The following KCNU1 variants were observed in gnomAD, a reference collection of about 807,000 sequenced individuals.
KCNU1 encodes potassium channel subfamily U member 1.
In KCNU1, 93 loss-of-function variants were observed where a neutral mutation model predicts 126.8. The observed-to-expected ratio is 0.73, with a 90% CI of 0.62 to 0.87. KCNU1 has a LOEUF of 0.87. Among genes scored for constraint, KCNU1 ranks in the 40% least tolerant of loss-of-function variants. The probability of loss-of-function intolerance (pLI) is 0.00; values close to 1 mark genes in which losing one functional copy is unlikely to be tolerated. For missense variants in KCNU1, 1,330 were observed against 1,367.1 expected, an observed-to-expected ratio of 0.97 and a Z score of 0.43; for synonymous variants, 523 against 494.2, an observed-to-expected ratio of 1.06 and a Z score of -0.77.
chr8:36,837,982 A>G (rs1270504462), intron 14 of KCNU1, among the ~76,000 whole-genome samples: 1 of 152,222 alleles, frequency 6.6e-6, no homozygotes, highest in Non-Finnish European at 1.5e-5. Flanking sequence ...CTATTTAACG[A>G]AAAGCAAAAG....
chr8:36,808,948 C>T (rs558554887), intron 7 of KCNU1, among the ~76,000 whole-genome samples, 155 bp downstream of exon 7: 17 of 152,262 alleles, frequency 1.1e-4, no homozygotes, highest in African/African-American at 3.4e-4. Context: ...TCTTTACCCT[C>T]ATATTCTCAC....
At chr8:36,928,883 C>T (rs905736927) in intron 24 of KCNU1, 1 of 605,656 alleles carries the variant, frequency 1.7e-6, no homozygotes. Flanking sequence ...GATTCCCATT[C>T]CTGTCCATAT....
chr8:36,864,309 G>A (rs1805825217), intron 18 of KCNU1, 95 bp from the exon 19 acceptor site: 3 of 791,958 alleles, frequency 3.8e-6, no homozygotes, highest in Non-Finnish European at 6.8e-6. Flanking sequence ...CCTTTCCCTA[G>A]TCAAGGGTCT....
At chr8:36,814,512 A>G in intron 8 of KCNU1, 135 bp downstream of exon 8, 2 of 652,102 alleles carry the variant, frequency 3.1e-6, no homozygotes, top group Non-Finnish European at 5.2e-6. Flanking sequence ...GGCAAATGAA[A>G]ACATGCACAG....
intron 19 of KCNU1, among the ~76,000 whole-genome samples, chr8:36,875,603 T>G (rs1000648518): frequency 1.3e-5 from 2 of 151,972 alleles, no homozygotes; most frequent in African/African-American, 4.8e-5. Context: ...GCAAATGACC[T>G]TCCAAAATAA....
chr8:36,839,342 C>T (rs543718450), intron 14 of KCNU1, among the ~76,000 whole-genome samples: 1 of 152,310 alleles, frequency 6.6e-6, no homozygotes, highest in South Asian at 2.1e-4. Context: ...TGGAACTCTT[C>T]TCCATCCCCA....
intron 10 of KCNU1, among the ~76,000 whole-genome samples, chr8:36,821,549 G>A (rs760170637): frequency 6.6e-6 from 1 of 152,144 alleles, no homozygotes; most frequent in Non-Finnish European, 1.5e-5. Flanking sequence ...AGGACTTTGA[G>A]CTGATTCTAT....
At chr8:36,888,416 C>A in intron 19 of KCNU1, 1 of 387,412 alleles carries the variant, frequency 2.6e-6, no homozygotes, top group Non-Finnish European at 5.2e-6. Context: ...TCTGGCTGCA[C>A]CGTGCTCTGA....
intron 18 of KCNU1, among the ~76,000 whole-genome samples, chr8:36,862,748 A>G (rs1805775505): frequency 6.6e-6 from 1 of 152,126 alleles, no homozygotes; most frequent in South Asian, 2.1e-4. Context: ...TCATTTTTTT[A>G]ACAGCTGACA....
chr8:36,934,222 A>G (rs1229331028), intron 26 of KCNU1, among the ~76,000 whole-genome samples: 2 of 152,120 alleles, frequency 1.3e-5, no homozygotes, highest in Non-Finnish European at 2.9e-5. Context: ...TGGGTACTGG[A>G]AGTCATAGCA....
At chr8:36,828,369 T>C (rs1804401657) in intron 10 of KCNU1, among the ~76,000 whole-genome samples, 1 of 152,116 alleles carries the variant, frequency 6.6e-6, no homozygotes, top group African/African-American at 2.4e-5. Context: ...TATTTAACTG[T>C]ATAATCCTCC....
intron 18 of KCNU1, among the ~76,000 whole-genome samples, chr8:36,855,096 A>G (rs971034994): frequency 6.6e-6 from 1 of 152,068 alleles, no homozygotes; most frequent in African/African-American, 2.4e-5. Context: ...TGAAACCTCA[A>G]GGTCAGTTAG....
chr8:36,836,570 C>G lies in KCNU1; in HGVS notation c.1365+205C>G, dbSNP rs182202030. 9.9e-3 allele frequency among the ~76,000 whole-genome samples: 1,501 copies of G among 152,198 alleles called. 32 individuals carry two copies. The highest frequency in any genetic ancestry group is 0.011 in the Non-Finnish European group (774 of 68,016). On this transcript the variant is annotated intron_variant, in intron 13 of 26. Transcript: ENST00000399881. ...AGTCATTTGACCTGATTTTGCAACTCTAGCTATTTTTGTTTCAAAAAATGA... is the reference window on the plus strand; with the variant it reads ...AGTCATTTGACCTGATTTTGCAACTGTAGCTATTTTTGTTTCAAAAAATGA...
intron 3 of KCNU1, among the ~76,000 whole-genome samples, 182 bp downstream of exon 3, chr8:36,804,270 A>C (rs1803418864): frequency 6.6e-6 from 1 of 152,160 alleles, no homozygotes; most frequent in East Asian, 1.9e-4. Context: ...GCTCTGCAAA[A>C]TATACAAGAG....
In KCNU1 at chr8:36,906,291, T is replaced by G. The variant is rs537068694; in HGVS notation, c.2106+487T>G. ...CTGGCTCTACTTAGATTTAACACAT[T>G]AGCCACAAATATGCCTCCTAAACAC... On this transcript the variant is annotated intron_variant, in intron 20 of 26. Transcript: ENST00000399881. Among the ~76,000 whole-genome samples the G allele has an allele frequency of 2.0e-5, 3 of 151,838 alleles. No homozygotes were observed. In the South Asian group the frequency reaches 6.3e-4, roughly 32 times the overall value.
intron 19 of KCNU1, among the ~76,000 whole-genome samples, chr8:36,884,486 A>G (rs893858668): frequency 1.3e-5 from 2 of 152,192 alleles, no homozygotes; most frequent in Admixed American, 6.5e-5. Context: ...CTGTAATCCC[A>G]GCACTTTGGG....
chr8:36,928,346 C>T (rs556545334), intron 24 of KCNU1, among the ~76,000 whole-genome samples: 4 of 152,094 alleles, frequency 2.6e-5, no homozygotes, highest in African/African-American at 9.6e-5. Flanking sequence ...GCATTATGTT[C>T]GATCACTCTA....
chr8:36,898,380 G>T (rs969865372), intron 19 of KCNU1, among the ~76,000 whole-genome samples: 6 of 151,868 alleles, frequency 4.0e-5, no homozygotes, highest in African/African-American at 1.5e-4. Context: ...CCTTTTGGGG[G>T]TTATTAATGT....
At position 36,808,784 on chromosome 8, in the gene KCNU1, C is replaced by G; in HGVS notation, c.723C>G (p.Phe241Leu). The G allele has an allele frequency of 1.2e-6, 2 of 1,609,450 alleles. No homozygotes were observed. The highest frequency in any genetic ancestry group is 1.7e-6 in the Non-Finnish European group (2 of 1,176,920). Residue 241 changes from phenylalanine (F) to leucine (L), a missense_variant, in exon 7 of 27, where the codon TTC becomes TTG. Physicochemically the swap from Phe to Leu is conservative, Grantham distance 22. This residue lies in a region of KCNU1 where 29 missense variants were observed against 57.8 expected (regional missense o/e 0.50). Transcript: ENST00000399881. ...ILSTWFTAAG[F>L]IHLVENSGDP... Reference sequence around the variant, plus strand: ...GTACCTGGTTCACAGCTGCGGGATTCATTCACCTGGTAAGCATCTCATCAC... The same window carrying G: ...GTACCTGGTTCACAGCTGCGGGATTGATTCACCTGGTAAGCATCTCATCAC...
Sources: gnomAD v4.1 joint callset for allele counts (sites outside exome capture counted in the v4.1 genomes callset) on GRCh38, gnomAD v4.1.1 for gene constraint, gnomAD v4.1.1 regional missense constraint, MANE v1.5 for transcripts, NCBI Gene and HGNC (gene_info 2026-07-23, HGNC 2026-07-21) for gene names.